Variants in TBL1Y observed in about 807,000 individuals in gnomAD.
TBL1Y encodes the protein F-box-like/WD repeat-containing protein TBL1Y.
A neutral mutation model predicts 12.0 loss-of-function variants in TBL1Y; 15 were observed. The observed-to-expected ratio is 1.25, with a 90% CI of 0.83 to 1.92. The LOEUF is 1.92. TBL1Y is among the 40% of genes most tolerant of loss of function. The probability of loss-of-function intolerance (pLI) is 0.00; values close to 1 mark genes in which losing one functional copy is unlikely to be tolerated. For missense variants in TBL1Y, 148 were observed against 116.7 expected (o/e 1.27, Z -1.24); for synonymous variants, 53 against 42.6 (o/e 1.24, Z -0.95).
chrY:7,085,048 C>T, intron 14 of TBL1Y, among the ~76,000 whole-genome samples: 2 of 31,340 alleles, frequency 6.4e-5, no homozygotes, highest in Non-Finnish European at 1.5e-4. Flanking sequence ...GCATAGGAGA[C>T]CTGGCATGGT....
intron 8 of TBL1Y, among the ~76,000 whole-genome samples, chrY:7,065,079 G>A: frequency 3.0e-5 from 1 of 33,033 alleles, no homozygotes; most frequent in East Asian, 7.9e-4. Context: ...TCTCAAAATT[G>A]AGAAAATGGC....
intron 3 of TBL1Y, among the ~76,000 whole-genome samples, chrY:6,991,922 C>T (rs761635883): frequency 1.7e-3 from 57 of 34,251 alleles, no homozygotes; most frequent in Admixed American, 1.3e-3. Flanking sequence ...AATCTGACCT[C>T]TGAAACCTTG....
intron 2 of TBL1Y, among the ~76,000 whole-genome samples, chrY:6,929,051 TGATCCATGG>T (rs2011845118): frequency 3.1e-5 from 1 of 32,655 alleles, no homozygotes; most frequent in African/African-American, 1.2e-4. Context: ...GTGTGCTCAT[TGATCCATGG>T]GGTCCATGAA....
At chrY:7,053,433 C>G in intron 7 of TBL1Y, among the ~76,000 whole-genome samples, 1 of 32,700 alleles carries the variant, frequency 3.1e-5, no homozygotes. Context: ...TGCTTTCCCT[C>G]CAGAGCCTAC....
chrY:6,979,256 C>T, intron 3 of TBL1Y, among the ~76,000 whole-genome samples: 2 of 33,307 alleles, frequency 6.0e-5, no homozygotes, highest in African/African-American at 1.2e-4. Context: ...TTTTATTAAG[C>T]CTCATAAGAC....
chrY:7,019,373 A>G (rs181981298), intron 4 of TBL1Y, among the ~76,000 whole-genome samples: 10 of 33,955 alleles, frequency 2.9e-4, no homozygotes, highest in African/African-American at 1.1e-3. Context: ...AAATAAAGTC[A>G]TAATTCTCCT....
chrY:7,063,574 A>T, intron 7 of TBL1Y, among the ~76,000 whole-genome samples: 2 of 32,902 alleles, frequency 6.1e-5, no homozygotes. Context: ...AGGGTGGAGC[A>T]GGTAATCTGA....
chrY:7,031,467 G>A, intron 6 of TBL1Y, among the ~76,000 whole-genome samples: 2 of 32,994 alleles, frequency 6.1e-5, no homozygotes, highest in East Asian at 8.1e-4. Context: ...TTGGCCTGGC[G>A]TTTCATGGTT....
chrY:6,923,700 G>A, intron 2 of TBL1Y, among the ~76,000 whole-genome samples: 1 of 32,292 alleles, frequency 3.1e-5, no homozygotes, highest in African/African-American at 1.2e-4. Context: ...TGTATTTTTA[G>A]TGGAGACGGG....
chrY:7,080,961 C>T, intron 14 of TBL1Y, 108 bp downstream of exon 14: 1 of 347,008 alleles, frequency 2.9e-6, no homozygotes, highest in Non-Finnish European at 4.1e-6. Flanking sequence ...ACCATTTCTT[C>T]TGCAGCCCTT....
At chrY:6,924,321 G>C (rs2011806644) in intron 2 of TBL1Y, among the ~76,000 whole-genome samples, 1 of 32,589 alleles carries the variant, frequency 3.1e-5, no homozygotes, top group East Asian at 8.1e-4. Context: ...AGGTGCGGTG[G>C]CTCACGCCTG....
chrY:6,913,198 G>A, intron 2 of TBL1Y, among the ~76,000 whole-genome samples: 1 of 33,242 alleles, frequency 3.0e-5, no homozygotes, highest in East Asian at 7.8e-4. Flanking sequence ...GATCAGTCCA[G>A]TAATTATGAC....
chrY:7,075,646 T>G (rs2013057860), intron 13 of TBL1Y, among the ~76,000 whole-genome samples: 2 of 33,606 alleles, frequency 6.0e-5, no homozygotes, highest in Non-Finnish European at 1.5e-4. Flanking sequence ...GCTTGTGATC[T>G]CTATGTCATC....
chrY:6,935,463 A>C, intron 2 of TBL1Y, among the ~76,000 whole-genome samples: 1 of 33,247 alleles, frequency 3.0e-5, no homozygotes. Context: ...ACTGGGTAGG[A>C]TTCCATCCTT....
At chrY:7,063,168 C>A (rs1221737041) in intron 7 of TBL1Y, among the ~76,000 whole-genome samples, 8 of 33,439 alleles carry the variant, frequency 2.4e-4, no homozygotes, top group Non-Finnish European at 3.7e-4. Context: ...GAAATGTAAT[C>A]CCGGACGAGC....
At chrY:6,944,107 G>T in intron 2 of TBL1Y, among the ~76,000 whole-genome samples, 1 of 34,063 alleles carries the variant, frequency 2.9e-5, no homozygotes, top group African/African-American at 1.1e-4. Flanking sequence ...CAGCCAGTGT[G>T]GGGGCAGAAA....
chrY:7,062,825 C>G (rs1032748321), intron 7 of TBL1Y, among the ~76,000 whole-genome samples: 3 of 33,347 alleles, frequency 9.0e-5, no homozygotes, highest in African/African-American at 3.6e-4. Flanking sequence ...GTGGGGATGT[C>G]TCACCTCTTT....
At chrY:7,079,639 C>T (rs2124187983) in intron 13 of TBL1Y, among the ~76,000 whole-genome samples, 3 of 34,142 alleles carry the variant, frequency 8.8e-5, no homozygotes. Context: ...AGGCATATGT[C>T]CTATTTCATC....
chrY:7,059,657 T>TA, intron 7 of TBL1Y, among the ~76,000 whole-genome samples: 1 of 33,887 alleles, frequency 3.0e-5, no homozygotes, highest in Non-Finnish European at 7.3e-5. Flanking sequence ...GAAGATAAAC[T>TA]AAGTATGAAA....
Sources: allele counts gnomAD v4.1 joint callset (sites outside exome capture counted in the v4.1 genomes callset), GRCh38; gene constraint gnomAD v4.1.1; transcripts MANE v1.5; gene names NCBI Gene and HGNC (gene_info 2026-07-23, HGNC 2026-07-21).